Variants in SPMAP2 observed in about 807,000 individuals in gnomAD.
SPMAP2 encodes Theg homolog.
At chr19:371,386 G>T in the SPMAP2 span, 1 of 692,166 alleles carries the variant, frequency 1.4e-6, no homozygotes, top group Non-Finnish European at 2.3e-6. Context: ...GTGTGTGTGT[G>T]TGTGTGTGTG....
At chr19:373,441 G>C in the SPMAP2 span, 1 of 1,611,354 alleles carries the variant, frequency 6.2e-7, no homozygotes, top group South Asian at 1.1e-5. Context: ...CCGGGGGCAG[G>C]GGTCTCAGCA....
the SPMAP2 span, among the ~76,000 whole-genome samples, chr19:363,775 C>T: frequency 0.13 from 18,921 of 150,970 alleles, 1,730 homozygotes; most frequent in African/African-American, 0.25. Flanking sequence ...CTTCAGGCAA[C>T]CTGCCCGCCT....
chr19:364,679 T>G, the SPMAP2 span, among the ~76,000 whole-genome samples: 1 of 152,010 alleles, frequency 6.6e-6, no homozygotes, highest in Non-Finnish European at 1.5e-5. Flanking sequence ...AGGAGGCATC[T>G]CCTCCCCCTG....
the SPMAP2 span, among the ~76,000 whole-genome samples, chr19:363,990 T>G: frequency 6.6e-6 from 1 of 152,134 alleles, no homozygotes; most frequent in Non-Finnish European, 1.5e-5. Context: ...TCATATGCAC[T>G]GCCACATCGA....
At chr19:363,232 G>A in the SPMAP2 span, among the ~76,000 whole-genome samples, 21 of 152,194 alleles carry the variant, frequency 1.4e-4, no homozygotes, top group African/African-American at 4.1e-4. Flanking sequence ...TTGCTCTGTC[G>A]CCCAGGCTGG....
At chr19:375,815 A>G in the SPMAP2 span, 2 of 1,609,344 alleles carry the variant, frequency 1.2e-6, no homozygotes, top group Non-Finnish European at 1.7e-6. Flanking sequence ...CCAGCTCTGC[A>G]TTGTCCAGGT....
chr19:372,628 C>G, the SPMAP2 span: 8 of 1,613,912 alleles, frequency 5.0e-6, no homozygotes, highest in Middle Eastern at 1.7e-4. Flanking sequence ...CTCCTTCCCC[C>G]ACCTGTTGTT....
the SPMAP2 span, among the ~76,000 whole-genome samples, chr19:369,203 A>T: frequency 6.6e-6 from 1 of 152,212 alleles, no homozygotes; most frequent in Non-Finnish European, 1.5e-5. Flanking sequence ...GCGACCACAC[A>T]CAGTGAGGGG....
the SPMAP2 span, chr19:367,020 C>G: frequency 6.3e-7 from 1 of 1,598,868 alleles, no homozygotes; most frequent in South Asian, 1.1e-5. Context: ...CCCTTGGGAT[C>G]TGAACAGGAC....
chr19:366,547 T>A, the SPMAP2 span, among the ~76,000 whole-genome samples: 1 of 152,138 alleles, frequency 6.6e-6, no homozygotes, highest in Admixed American at 6.5e-5. Context: ...ATAAGCGAAG[T>A]TAAAAGACAA....
chr19:364,234 G>A, the SPMAP2 span, among the ~76,000 whole-genome samples: 3 of 150,846 alleles, frequency 2.0e-5, no homozygotes, highest in African/African-American at 7.3e-5. Flanking sequence ...CTACTCAGGA[G>A]GCTGAGGCAG....
chr19:374,419 C>T, the SPMAP2 span: 121 of 1,613,930 alleles, frequency 7.5e-5, no homozygotes, highest in African/African-American at 2.4e-4. Flanking sequence ...GATGGACAGC[C>T]GGCTTTGGGA....
At chr19:371,171 C>G in the SPMAP2 span, 3 of 1,290,926 alleles carry the variant, frequency 2.3e-6, no homozygotes, top group African/African-American at 3.1e-5. Flanking sequence ...GCCCGCCTGG[C>G]GGGGGTGAGT....
chr19:373,572 C>T, the SPMAP2 span: 1 of 1,596,486 alleles, frequency 6.3e-7, no homozygotes, highest in South Asian at 1.1e-5. Context: ...AGGCAGAGAG[C>T]CCTGGCCCTG....
the SPMAP2 span, chr19:373,531 CCTGGAATAAGCGGACGGCTCAGGGCAA>C: frequency 6.2e-7 from 1 of 1,613,028 alleles, no homozygotes; most frequent in Non-Finnish European, 8.5e-7. Context: ...ACACAGAGGG[CCTGGAATAAGCGGACGGCTCAGGGCAA>C]GGGAGGCAGA....
the SPMAP2 span, among the ~76,000 whole-genome samples, chr19:374,787 C>A: frequency 6.6e-6 from 1 of 152,238 alleles, no homozygotes. Flanking sequence ...TATGCCAGGC[C>A]CCAGAGGGGC....
chr19:364,006 G>A, the SPMAP2 span, among the ~76,000 whole-genome samples: 4 of 152,120 alleles, frequency 2.6e-5, no homozygotes, highest in South Asian at 4.2e-4. Flanking sequence ...ATCGAGCTAC[G>A]AAACCTACAC....
the SPMAP2 span, chr19:375,899 C>T: frequency 5.8e-4 from 880 of 1,528,720 alleles, 4 homozygotes; most frequent in Middle Eastern, 1.4e-3. Context: ...CGCCGTCCTG[C>T]TCCCTTTCCG....
the SPMAP2 span, chr19:376,006 T>C: frequency 7.2e-7 from 1 of 1,383,462 alleles, no homozygotes. Flanking sequence ...GGCCTCACTC[T>C]CCCGGCACCC....
Sources: allele counts gnomAD v4.1 joint callset (sites outside exome capture counted in the v4.1 genomes callset), GRCh38; gene constraint gnomAD v4.1.1; transcripts MANE v1.5; gene names NCBI Gene and HGNC (gene_info 2026-07-23, HGNC 2026-07-21).